The following ANO4 variants were observed in gnomAD, a reference collection of about 807,000 sequenced individuals.
ANO4 encodes anoctamin 4.
In ANO4, 69 loss-of-function variants were observed where a neutral mutation model predicts 141.9. The observed-to-expected ratio is 0.49, with a 90% CI of 0.40 to 0.59. The LOEUF is 0.59. Among genes scored for constraint, ANO4 ranks in the 20% least tolerant of loss-of-function variants. The pLI is 0.00. For missense variants in ANO4, 894 were observed against 1,162.2 expected, an observed-to-expected ratio of 0.77 and a Z score of 3.36; for synonymous variants, 350 against 394.3, an observed-to-expected ratio of 0.89 and a Z score of 1.33.
intron 8 of ANO4, among the ~76,000 whole-genome samples, chr12:101,011,710 T>G (rs1309970340): frequency 1.3e-5 from 2 of 152,206 alleles, no homozygotes; most frequent in African/African-American, 4.8e-5. Context: ...GCTGGTCACA[T>G]GCTTCAGGCT....
chr12:100,949,363 C>G (rs111487765), intron 5 of ANO4, among the ~76,000 whole-genome samples: 3,094 of 152,280 alleles, frequency 0.02, 38 homozygotes, highest in Non-Finnish European at 0.033. Context: ...TCTGAGTGTT[C>G]ATTTGGTTCT....
intron 7 of ANO4, among the ~76,000 whole-genome samples, chr12:100,985,088 T>A (rs1255058539): frequency 6.6e-6 from 1 of 152,192 alleles, no homozygotes; most frequent in African/African-American, 2.4e-5. Context: ...AGCTCTATAA[T>A]AAAAAACCTT....
intron 19 of ANO4, 25 bp from the exon 20 acceptor site, chr12:101,097,626 G>C (rs750574250): frequency 6.2e-7 from 1 of 1,612,240 alleles, no homozygotes; most frequent in South Asian, 1.1e-5. Flanking sequence ...AGCACTAATG[G>C]CTTGTTTTTC....
chr12:100,872,126 AT>A (rs1251712973), intron 1 of ANO4, among the ~76,000 whole-genome samples: 1 of 152,152 alleles, frequency 6.6e-6, no homozygotes, highest in Non-Finnish European at 1.5e-5. Context: ...CTTTCTCAAT[AT>A]TATTCATTCA....
intron 1 of ANO4, among the ~76,000 whole-genome samples, chr12:100,841,603 A>G (rs2037252387): frequency 6.6e-6 from 1 of 152,166 alleles, no homozygotes; most frequent in South Asian, 2.1e-4. Flanking sequence ...ACAGTCCTAA[A>G]TAAAGTGAGG....
intron 13 of ANO4, among the ~76,000 whole-genome samples, chr12:101,046,679 C>T (rs12815627): frequency 0.07 from 10,612 of 152,168 alleles, 536 homozygotes; most frequent in East Asian, 0.11. Context: ...CATTGGGAAC[C>T]GGAGCCCCTA....
At chr12:100,801,427 C>A (rs901629335) in intron 1 of ANO4, among the ~76,000 whole-genome samples, 7 of 151,788 alleles carry the variant, frequency 4.6e-5, no homozygotes, top group Non-Finnish European at 1.0e-4. Flanking sequence ...TGAGTTTCAG[C>A]AAAGTAAACA....
At chr12:101,076,480 G>A (rs1361349106) in intron 14 of ANO4, among the ~76,000 whole-genome samples, 1 of 152,168 alleles carries the variant, frequency 6.6e-6, no homozygotes, top group Non-Finnish European at 1.5e-5. Flanking sequence ...CTAACACAGG[G>A]AATTAATGGT....
At position 100,802,055 on chromosome 12, in the gene ANO4, G is replaced by A. The variant is rs143194892; in HGVS notation, c.-141+7028G>A. 3.5e-3 allele frequency among the ~76,000 whole-genome samples: 537 copies of A among 152,250 alleles called. 9 individuals are homozygous for A. The highest frequency in any genetic ancestry group is 0.031 in the East Asian group (160 of 5,174). ...ACTTTGCCATTCAAAGTCATCACAA[G>A]GAAGTGAAGCCGGGAAGTCTAACTT... On this transcript the variant is annotated intron_variant, in intron 1 of 27. Coordinates refer to ENST00000392977, the MANE Select transcript of ANO4 (RefSeq NM_001286615.2).
intron 22 of ANO4, among the ~76,000 whole-genome samples, chr12:101,102,181 C>T (rs934906849): frequency 2.6e-5 from 4 of 152,024 alleles, no homozygotes; most frequent in African/African-American, 9.7e-5. Flanking sequence ...AATACCTTTA[C>T]GGCATTTTTG....
chr12:100,992,081 C>T (rs929387390), intron 8 of ANO4, among the ~76,000 whole-genome samples: 3 of 152,168 alleles, frequency 2.0e-5, no homozygotes, highest in Non-Finnish European at 4.4e-5. Flanking sequence ...TATCTCTATA[C>T]TTCAGACTTT....
intron 22 of ANO4, among the ~76,000 whole-genome samples, chr12:101,103,147 TATA>T (rs1479032766): frequency 1.4e-5 from 2 of 142,972 alleles, no homozygotes; most frequent in African/African-American, 2.6e-5. Context: ...ATCATCCACA[TATA>T]ATGATAACTT....
Position 101,096,605 on chromosome 12 carries a change from AT to A in ANO4, c.1809del (p.Leu604Ter). 6.2e-7 allele frequency: 1 copy of A among 1,613,570 alleles called. No individual in the cohort carries two copies. Among genetic ancestry groups the A allele is most frequent in the Non-Finnish European group, 8.5e-7 (1 of 1,179,650 alleles). On this transcript the variant is annotated frameshift_variant, in exon 19 of 28. Coordinates refer to ENST00000392977, the MANE Select transcript of ANO4 (RefSeq NM_001286615.2). LOFTEE classifies it high-confidence loss of function. ...TLKMFLFQFV[N>X]LNSSTFYIAF... ...AAAATGTTTCTTTTTCAGTTTGTCA[AT>A]CTGAACAGCTCCACATTTTACATCG...
chr12:101,041,656 C>T (rs977364001), intron 11 of ANO4, among the ~76,000 whole-genome samples: 2 of 152,156 alleles, frequency 1.3e-5, no homozygotes, highest in Admixed American at 6.5e-5. Context: ...CAGTTTTCCT[C>T]AGCAACACAG....
At chr12:100,723,741 T>A (rs2030971457) in intron 1 of ANO4, among the ~76,000 whole-genome samples, 1 of 152,192 alleles carries the variant, frequency 6.6e-6, no homozygotes, top group South Asian at 2.1e-4. Context: ...TTTAGAGTGC[T>A]TTTAAAAATC....
rs565338518 is a variant in ANO4 at position 100,889,863 on chromosome 12, G to T, written c.-140-11783G>T. Among the ~76,000 whole-genome samples the T allele has an allele frequency of 1.3e-4, 20 of 152,156 alleles. No individual in the cohort carries two copies. In the South Asian group the frequency reaches 3.9e-3, roughly 30 times the overall value. ...GTGTTCAAATGAGAAAGACAATAAG[G>T]ACTGACTGAATAAATAAATGGAAGA... On this transcript the variant is annotated intron_variant, in intron 1 of 27. Coordinates refer to ENST00000392977, the MANE Select transcript of ANO4 (RefSeq NM_001286615.2).
In ANO4 at chr12:100,987,542, C is replaced by G. The variant is rs566155639; in HGVS notation, c.606C>G (p.Ile202Met). 153 of 1,613,388 alleles carry G rather than the reference C, an allele frequency of 9.5e-5. 3 individuals carry two copies. In the South Asian group the frequency reaches 1.6e-3, roughly 17 times the overall value. Residue 202 changes from isoleucine to methionine, a missense_variant, in exon 8 of 28, where the codon ATC becomes ATG. This residue lies in a region of ANO4 where 257 missense variants were observed against 253.0 expected (regional missense o/e 1.02). Transcript: ENST00000392977. ...LPRRYKFMSR[I>M]DKQISRFRRW... ...TCTTGCCTTCCATGTACCACAGGATCGATAAACAAATAAGCAGGTTTCGGA... is the reference window on the plus strand; with the variant it reads ...TCTTGCCTTCCATGTACCACAGGATGGATAAACAAATAAGCAGGTTTCGGA...
At chr12:100,762,522 ACCAGAAGGATCAGTTATT>A (rs1055085234) in intron 3 of ANO4, among the ~76,000 whole-genome samples, 1 of 152,154 alleles carries the variant, frequency 6.6e-6, no homozygotes, top group Non-Finnish European at 1.5e-5. Flanking sequence ...AGGGCAGGTG[ACCAGAAGGATCAGTTATT>A]CTAGAAAGTT....
chr12:100,816,070 C>T (rs1399450), intron 1 of ANO4, among the ~76,000 whole-genome samples: 133,398 of 152,032 alleles, frequency 0.88, 58,612 homozygotes, highest in African/African-American at 0.92. Context: ...TCTTTAATTT[C>T]TTAAATTGTG....
Sources: gnomAD v4.1 joint callset for allele counts (sites outside exome capture counted in the v4.1 genomes callset) on GRCh38, gnomAD v4.1.1 for gene constraint, gnomAD v4.1.1 regional missense constraint, MANE v1.5 for transcripts, NCBI Gene and HGNC (gene_info 2026-07-23, HGNC 2026-07-21) for gene names.